The following PCDHB13 variants were observed in gnomAD, a reference collection of about 807,000 sequenced individuals.
PCDHB13 encodes protocadherin beta 13, also known as protocadherin beta-13.
For synonymous variants in PCDHB13, 515 were observed against 450.7 expected (o/e 1.14, Z -1.81); for missense variants, 1,065 against 1,016.7 (o/e 1.05, Z -0.65).
Position 141,215,597 on chromosome 5 carries a change from C to A in PCDHB13, c.1474C>A (p.Pro492Thr), listed in dbSNP as rs782153485. The change falls in exon 1 of 1, where the codon CCG becomes ACG. Residue 492 changes from proline to threonine, a missense_variant. Pro to Thr is a conservative substitution (Grantham distance 38, BLOSUM62 -1). Coordinates refer to ENST00000341948, the MANE Select transcript of PCDHB13 (RefSeq NM_018933.4). ...TNAQVTYSLL[P>T]PQDPHLPLTS... is the part of the protein sequence containing the mutation. ...CGCCCAGGTCACCTACTCGCTGCTG[C>A]CGCCCCAGGACCCGCACCTGCCCCT... is the stretch of plus-strand genomic sequence containing the variant. 6 of 1,612,304 alleles carry A rather than the reference C, an allele frequency of 3.7e-6. No individual in the cohort carries two copies. The highest frequency in any genetic ancestry group is 4.2e-6 in the Non-Finnish European group (5 of 1,179,966).
rs1754665425 is a variant in PCDHB13, at chr5:141,218,595, C to T, written c.*2075C>T. 6.5e-6 allele frequency: 1 copy of T among 152,728 alleles called. No homozygotes were observed. The highest frequency in any genetic ancestry group is 2.4e-5 in the African/African-American group (1 of 41,234). The allele number at this position is 152,728 out of a possible 1,614,324, so 9.5% of individuals were successfully genotyped here. On this transcript the variant is annotated 3_prime_UTR_variant, in exon 1 of 1. Coordinates refer to ENST00000341948, the MANE Select transcript of PCDHB13 (RefSeq NM_018933.4). ...CCGGGACCACAGGCACATGCCACCC[C>T]CCACAGCTATTTTTGTTTGTTTGTT... is the stretch of plus-strand genomic sequence containing the variant.
Position 141,216,239 on chromosome 5 carries a change from C to T in PCDHB13, c.2116C>T (p.Leu706Phe), listed in dbSNP as rs782276265. 5.0e-6 allele frequency: 8 copies of T among 1,613,228 alleles called. No individual in the cohort carries two copies. The highest frequency in any genetic ancestry group is 1.1e-5 in the South Asian group (1 of 91,060). Residue 706 changes from leucine (L) to phenylalanine (F), a missense_variant, in exon 1 of 1, where the codon CTC becomes TTC. Coordinates refer to ENST00000341948, the MANE Select transcript of PCDHB13 (RefSeq NM_018933.4). ...GTCTTCGCTCTTCCTCTTTTCGGTGCTCCTGTTCGTGGCGGTGCGGCTGTG... is the reference window on the plus strand; with the variant it reads ...GTCTTCGCTCTTCCTCTTTTCGGTGTTCCTGTTCGTGGCGGTGCGGCTGTG... ...SVSSLFLFSV[L>F]LFVAVRLCRR...
rs200189405 is a variant in PCDHB13 at position 141,215,054 on chromosome 5, G to T, written c.931G>T (p.Glu311Ter). 6.2e-5 allele frequency: 100 copies of T among 1,613,954 alleles called. No individual in the cohort carries two copies. Among genetic ancestry groups the T allele is most frequent in the Non-Finnish European group, 8.3e-5 (98 of 1,180,014 alleles). The change falls in exon 1 of 1, where the codon GAA becomes TAA. Residue 311 changes from glutamate to a stop codon, truncating the protein, a stop_gained. Coordinates refer to ENST00000341948, the MANE Select transcript of PCDHB13 (RefSeq NM_018933.4). LOFTEE classifies it low-confidence loss of function (END_TRUNC). The part of the protein sequence containing the change: ...EIELKKQLDF[E>*]KLQSYEVNIE... Reference sequence around the variant, plus strand: ...TGAACTAAAAAAACAACTCGATTTCGAAAAACTTCAGTCCTATGAAGTCAA... The same window carrying T: ...TGAACTAAAAAAACAACTCGATTTCTAAAAACTTCAGTCCTATGAAGTCAA...
At position 141,216,173 on chromosome 5, in the gene PCDHB13, G is replaced by T. The variant is rs201150911; in HGVS notation, c.2050G>T (p.Asp684Tyr). Residue 684 changes from aspartate (D) to tyrosine (Y), a missense_variant, in exon 1 of 1, where the codon GAC becomes TAC. Transcript: ENST00000341948. ...PEAAPTQAQA[D>Y]LLTVYLVVAL... ...GGCGGCCCCGACCCAGGCCCAGGCC[G>T]ACTTGCTCACCGTCTACCTGGTGGT... 5 of 1,612,302 alleles carry T rather than the reference G, an allele frequency of 3.1e-6. No homozygotes were observed. The highest frequency in any genetic ancestry group is 4.2e-6 in the Non-Finnish European group (5 of 1,179,844).
Position 141,215,707 on chromosome 5 carries a change from G to C in PCDHB13, c.1584G>C (p.Gln528His). 2.5e-6 allele frequency: 4 copies of C among 1,612,758 alleles called. No homozygotes were observed. The highest frequency in any genetic ancestry group is 3.4e-6 in the Non-Finnish European group (4 of 1,179,884). Residue 528 changes from glutamine to histidine, a missense_variant, in exon 1 of 1, where the codon CAG becomes CAC. By Grantham distance (24) the Gln-to-His change is conservative. Coordinates refer to ENST00000341948, the MANE Select transcript of PCDHB13 (RefSeq NM_018933.4). ...SLDYEALQGF[Q>H]FRVGASDHGS... ...ACTACGAGGCCCTGCAGGGGTTCCA[G>C]TTCCGCGTGGGCGCTTCAGACCACG...
rs1554288372 is a variant in PCDHB13, at chr5:141,218,042, TG to T, written c.*1525del. The T allele has an allele frequency of 1.9e-5, 3 of 157,450 alleles. No homozygotes were observed. Among genetic ancestry groups the T allele is most frequent in the African/African-American group, 7.3e-5 (3 of 41,376 alleles). 9.8% of individuals were successfully genotyped at this position (157,450 alleles called of 1,614,324 possible). On this transcript the variant is annotated 3_prime_UTR_variant, in exon 1 of 1. Transcript: ENST00000341948. ...TCCACTCACTGCAACCTCCACCTCC[TG>T]GGCTCAAGTGATCCTCCCACCTCAG... is the stretch of plus-strand genomic sequence containing the variant.
rs782336970 is a variant in PCDHB13, at chr5:141,215,643, A to C, written c.1520A>C (p.Asn507Thr). The stretch of plus-strand genomic sequence containing the variant: ...CCCCTCACATCCCTGGTCTCCATCA[A>C]CGCGGACAACGGCCACCTGTTCGCC... ...HLPLTSLVSI[N>T]ADNGHLFALR... is the part of the protein sequence containing the mutation. The change falls in exon 1 of 1, where the codon AAC becomes ACC. Residue 507 changes from asparagine (N) to threonine (T), a missense_variant. Physicochemically the swap from Asn to Thr is moderately conservative, Grantham distance 65 (BLOSUM62 0). Coordinates refer to ENST00000341948, the MANE Select transcript of PCDHB13 (RefSeq NM_018933.4). 1 of 1,613,394 alleles carries C rather than the reference A, an allele frequency of 6.2e-7. No individual in the cohort carries two copies. The highest frequency in any genetic ancestry group is 2.2e-5 in the East Asian group (1 of 44,866).
chr5:141,214,945 C>A lies in PCDHB13; in HGVS notation c.822C>A (p.Val274=), dbSNP rs2149681413. 6.2e-7 allele frequency: 1 copy of A among 1,614,172 alleles called. No homozygotes were observed. The highest frequency in any genetic ancestry group is 8.5e-7 in the Non-Finnish European group (1 of 1,180,034). Residue 274 remains valine (V), a synonymous_variant, in exon 1 of 1, where the codon GTC becomes GTA. Transcript: ENST00000341948. The stretch of plus-strand genomic sequence containing the variant: ...CTGCCACGGATGTAGACACAGGAGT[C>A]AACGGAGAGATTTCCTATTCACTTT... The part of the protein sequence containing the change: ...KVSATDVDTG[V]NGEISYSLFQ...
chr5:141,215,752 C>G lies in PCDHB13; in HGVS notation c.1629C>G (p.Ser543Arg), dbSNP rs150315174. Residue 543 changes from serine (S) to arginine (R), a missense_variant, in exon 1 of 1, where the codon AGC becomes AGG. Physicochemically the swap from Ser to Arg is moderately radical, Grantham distance 110 (BLOSUM62 -1). Transcript: ENST00000341948. ...ACCACGGCTCCCCGGCGCTGAGCAG[C>G]GAGGCGCTGGTGCGCGTGGTGGTGC... ...ASDHGSPALS[S>R]EALVRVVVLD... 2.5e-6 allele frequency: 4 copies of G among 1,611,930 alleles called. No individual in the cohort carries two copies. The highest frequency in any genetic ancestry group is 4.5e-5 in the East Asian group (2 of 44,894).
chr5:141,216,844 A>G lies in PCDHB13; in HGVS notation c.*324A>G, dbSNP rs927405028. 8.6e-6 allele frequency: 3 copies of G among 349,178 alleles called. No homozygotes were observed. Among genetic ancestry groups the G allele is most frequent in the East Asian group, 1.7e-4 (2 of 12,014 alleles). 21.6% of individuals were successfully genotyped at this position (349,178 alleles called of 1,614,324 possible). A position where few individuals can be genotyped will look rare whatever the true frequency, so the allele number is the denominator to read the frequency against. ...GCTTATGGTAAAATTAAATAGAGCA[A>G]TTTGGAAGTGATTCCAATTTTCCAG... On this transcript the variant is annotated 3_prime_UTR_variant, in exon 1 of 1. Coordinates refer to ENST00000341948, the MANE Select transcript of PCDHB13 (RefSeq NM_018933.4).
rs782569305 is a variant in PCDHB13, at chr5:141,214,562, A to T, written c.439A>T (p.Ser147Cys). The T allele has an allele frequency of 6.2e-7, 1 of 1,614,198 alleles. No homozygotes were observed. The highest frequency in any genetic ancestry group is 8.5e-7 in the Non-Finnish European group (1 of 1,180,038). The change falls in exon 1 of 1, where the codon AGT (serine) becomes TGT (cysteine). Residue 147 changes from serine to cysteine, a missense_variant. Transcript: ENST00000341948. Reference sequence around the variant, plus strand: ...AATGTTGGTGAAAGTATCAGAGAGCAGTCCTCCTGGGACTACGTTTCCTCT... The same window carrying T: ...AATGTTGGTGAAAGTATCAGAGAGCTGTCCTCCTGGGACTACGTTTCCTCT... Reference protein sequence around the residue: ...KQMLVKVSESSPPGTTFPLKN... With the variant: ...KQMLVKVSESCPPGTTFPLKN...
chr5:141,215,129 A>G lies in PCDHB13; in HGVS notation c.1006A>G (p.Ile336Val), dbSNP rs1754558642. 1 of 1,614,172 alleles carries G rather than the reference A, an allele frequency of 6.2e-7. No homozygotes were observed. The highest frequency in any genetic ancestry group is 8.5e-7 in the Non-Finnish European group (1 of 1,180,040). ...CTTTTCTGGAAAATGCACCGTTCTGATTCAAGTGATAGATGTGAACGACCA... is the reference window on the plus strand; with the variant it reads ...CTTTTCTGGAAAATGCACCGTTCTGGTTCAAGTGATAGATGTGAACGACCA... The part of the protein sequence containing the change: ...GTFSGKCTVL[I>V]QVIDVNDHAP... The change falls in exon 1 of 1, where the codon ATT becomes GTT. Residue 336 changes from isoleucine (I) to valine (V), a missense_variant. Transcript: ENST00000341948.
Position 141,214,875 on chromosome 5 carries a change from A to G in PCDHB13, c.752A>G (p.Gln251Arg), listed in dbSNP as rs1297785650. Reference sequence around the variant, plus strand: ...TTTGAGCAGCCTTTCTATAGAGTGCAGATCTCTGAGGACAGTCCGGTAGGC... The same window carrying G: ...TTTGAGCAGCCTTTCTATAGAGTGCGGATCTCTGAGGACAGTCCGGTAGGC... Reference protein sequence around the residue: ...PEFEQPFYRVQISEDSPVGFL... With the variant: ...PEFEQPFYRVRISEDSPVGFL... The change falls in exon 1 of 1, where the codon CAG (glutamine) becomes CGG (arginine). Residue 251 changes from glutamine (Q) to arginine (R), a missense_variant. Physicochemically the swap from Gln to Arg is conservative, Grantham distance 43. Transcript: ENST00000341948. The G allele has an allele frequency of 6.2e-7, 1 of 1,614,080 alleles. No homozygotes were observed. Among genetic ancestry groups the G allele is most frequent in the Non-Finnish European group, 8.5e-7 (1 of 1,180,010 alleles).
At position 141,216,554 on chromosome 5, in the gene PCDHB13, AT is replaced by A; in HGVS notation, c.*38del. ...GACTTTTACATTCCATAGGTATTTT[AT>A]TTTGTGGCATTTCCATGCCAATGTT... is the stretch of plus-strand genomic sequence containing the variant. On this transcript the variant is annotated 3_prime_UTR_variant, in exon 1 of 1. Transcript: ENST00000341948. The A allele has an allele frequency of 2.6e-6, 4 of 1,515,392 alleles. No homozygotes were observed. Among genetic ancestry groups the A allele is most frequent in the Non-Finnish European group, 3.7e-6 (4 of 1,089,912 alleles). The allele number at this position is 1,515,392 out of a possible 1,614,324, so 93.9% of individuals were successfully genotyped here.
chr5:141,215,055 A>T lies in PCDHB13; in HGVS notation c.932A>T (p.Glu311Val), dbSNP rs562442599. The T allele has an allele frequency of 1.4e-4, 228 of 1,614,226 alleles. 2 individuals carry two copies. In the South Asian group the frequency reaches 2.3e-3, roughly 16 times the overall value. Reference sequence around the variant, plus strand: ...GAACTAAAAAAACAACTCGATTTCGAAAAACTTCAGTCCTATGAAGTCAAT... The same window carrying T: ...GAACTAAAAAAACAACTCGATTTCGTAAAACTTCAGTCCTATGAAGTCAAT... ...EIELKKQLDF[E>V]KLQSYEVNIE... The change falls in exon 1 of 1, where the codon GAA becomes GTA. Residue 311 changes from glutamate to valine, a missense_variant. Coordinates refer to ENST00000341948, the MANE Select transcript of PCDHB13 (RefSeq NM_018933.4).
Position 141,213,999 on chromosome 5 carries a change from C to A in PCDHB13, c.-125C>A. On this transcript the variant is annotated 5_prime_UTR_variant, in exon 1 of 1. Transcript: ENST00000341948. ...GATGCCAAAGGGAGGACGGCTGGGT[C>A]CTCTGGAGAGGACTACTCACTGGCA... 1.2e-6 allele frequency: 1 copy of A among 836,446 alleles called. No individual in the cohort carries two copies. The highest frequency in any genetic ancestry group is 1.9e-6 in the Non-Finnish European group (1 of 530,028). 51.8% of individuals were successfully genotyped at this position (836,446 alleles called of 1,614,324 possible).
chr5:141,214,981 A>G lies in PCDHB13; in HGVS notation c.858A>G (p.Ser286=). ...TTTCCTATTCACTTTTCCAAGCTTCAGAAGAGATTGGCAAAACCTTTAAGA... is the reference window on the plus strand; with the variant it reads ...TTTCCTATTCACTTTTCCAAGCTTCGGAAGAGATTGGCAAAACCTTTAAGA... The part of the protein sequence containing the change: ...GEISYSLFQA[S]EEIGKTFKIN... The change falls in exon 1 of 1, where the codon TCA becomes TCG. Residue 286 remains serine, a synonymous_variant. Transcript: ENST00000341948. 1 of 1,614,222 alleles carries G rather than the reference A, an allele frequency of 6.2e-7. No homozygotes were observed. The highest frequency in any genetic ancestry group is 8.5e-7 in the Non-Finnish European group (1 of 1,180,046).
In PCDHB13 at chr5:141,217,217, C is replaced by G. The variant is rs1379597815; in HGVS notation, c.*697C>G. On this transcript the variant is annotated 3_prime_UTR_variant, in exon 1 of 1. Transcript: ENST00000341948. ...AGTGCAATCTAGTTGAATGCAGATG[C>G]CTGTGCCCAAATAATAATTCATATA... is the stretch of plus-strand genomic sequence containing the variant. 1 of 166,378 alleles carries G rather than the reference C, an allele frequency of 6.0e-6. No individual in the cohort carries two copies. The highest frequency in any genetic ancestry group is 2.5e-5 in the African/African-American group (1 of 40,764). 10.3% of individuals were successfully genotyped at this position (166,378 alleles called of 1,614,324 possible). A position where few individuals can be genotyped will look rare whatever the true frequency, so the allele number is the denominator to read the frequency against.
Position 141,216,598 on chromosome 5 carries a change from G to A in PCDHB13, c.*78G>A, listed in dbSNP as rs114487750. 1.7e-6 allele frequency: 2 copies of A among 1,186,264 alleles called. No individual in the cohort carries two copies. The highest frequency in any genetic ancestry group is 2.5e-6 in the Non-Finnish European group (2 of 789,332). 73.5% of individuals were successfully genotyped at this position (1,186,264 alleles called of 1,614,324 possible). A position where few individuals can be genotyped will look rare whatever the true frequency, so the allele number is the denominator to read the frequency against. On this transcript the variant is annotated 3_prime_UTR_variant, in exon 1 of 1. Transcript: ENST00000341948. ...CCAATGTTTATTTCCCCCAATTTGTGTGTATGTAATATTGTACGGATTTAC... is the reference window on the plus strand; with the variant it reads ...CCAATGTTTATTTCCCCCAATTTGTATGTATGTAATATTGTACGGATTTAC...
Sources: allele counts gnomAD v4.1 joint callset, GRCh38; gene constraint gnomAD v4.1.1; transcripts MANE v1.5; gene names NCBI Gene and HGNC (gene_info 2026-07-23, HGNC 2026-07-21).